The following JAM3 variants were observed in gnomAD, a reference collection of about 807,000 sequenced individuals.
The protein encoded by JAM3 is junctional adhesion molecule C.
Under a neutral mutation model 39.4 loss-of-function variants are expected in JAM3, and 31 were observed. The observed-to-expected ratio is 0.79, with a 90% CI of 0.59 to 1.06. The LOEUF is 1.06. Among genes scored for constraint, JAM3 ranks in the 50% least tolerant of loss-of-function variants. The probability of loss-of-function intolerance (pLI) is 0.00; values close to 1 mark genes in which losing one functional copy is unlikely to be tolerated. For synonymous variants in JAM3, 182 were observed against 148.7 expected, an observed-to-expected ratio of 1.22 and a Z score of -1.63; for missense variants, 455 against 391.4, an observed-to-expected ratio of 1.16 and a Z score of -1.37.
At chr11:134,116,548 G>T (rs1245765360) in intron 1 of JAM3, among the ~76,000 whole-genome samples, 13 of 152,090 alleles carry the variant, frequency 8.5e-5, no homozygotes, top group African/African-American at 3.1e-4. Flanking sequence ...GGGATTTTTT[G>T]TCGTTGTTTG....
chr11:134,095,030 G>T, intron 1 of JAM3, among the ~76,000 whole-genome samples: 1 of 152,244 alleles, frequency 6.6e-6, no homozygotes, highest in South Asian at 2.1e-4. Context: ...TGTAGTGAAT[G>T]AAAGTGTAAT....
chr11:134,105,658 A>G (rs1006219806), intron 1 of JAM3, among the ~76,000 whole-genome samples: 10 of 152,260 alleles, frequency 6.6e-5, no homozygotes, highest in Admixed American at 2.6e-4. Flanking sequence ...GCAAAATCTC[A>G]GGATACAAAA....
At chr11:134,072,892 A>G (rs1164916236) in intron 1 of JAM3, among the ~76,000 whole-genome samples, 2 of 152,148 alleles carry the variant, frequency 1.3e-5, no homozygotes, top group African/African-American at 4.8e-5. Context: ...CCTGGGGTAC[A>G]AGAGTGAAAC....
chr11:134,121,357 G>A (rs1942528970), intron 1 of JAM3, among the ~76,000 whole-genome samples: 1 of 152,180 alleles, frequency 6.6e-6, no homozygotes, highest in Admixed American at 6.5e-5. Context: ...ACAGAACACA[G>A]TAGTTCCAGA....
chr11:134,069,300 GGC>G, intron 1 of JAM3, 141 bp downstream of exon 1: 1 of 1,178,606 alleles, frequency 8.5e-7, no homozygotes, highest in Admixed American at 2.3e-5. Flanking sequence ...CCGGAGGGGC[GGC>G]GCGCGCCCGC....
rs530874466 is a variant in JAM3 at position 134,085,416 on chromosome 11, G to A, written c.76+16257G>A. On this transcript the variant is annotated intron_variant, in intron 1 of 8. Transcript: ENST00000299106. ...TGAGGTGATCAAAGATCCTAAATATGTAGCAAAGATTATAGAGACTAAGGA... is the reference window on the plus strand; with the variant it reads ...TGAGGTGATCAAAGATCCTAAATATATAGCAAAGATTATAGAGACTAAGGA... Among the ~76,000 whole-genome samples, 12 of 152,330 alleles carry A rather than the reference G, an allele frequency of 7.9e-5. No homozygotes were observed. The South Asian group carries it at 2.3e-3, about 29-fold the overall frequency.
At chr11:134,143,385 T>C (rs951750685) in intron 3 of JAM3, among the ~76,000 whole-genome samples, 3 of 152,326 alleles carry the variant, frequency 2.0e-5, no homozygotes, top group South Asian at 2.1e-4. Flanking sequence ...TCTGTTCAAA[T>C]TTTATGTCCA....
At chr11:134,104,330 C>A (rs1461289103) in intron 1 of JAM3, among the ~76,000 whole-genome samples, 1 of 152,106 alleles carries the variant, frequency 6.6e-6, no homozygotes, top group Non-Finnish European at 1.5e-5. Context: ...ACACAACATA[C>A]CAGAATCTCT....
intron 1 of JAM3, among the ~76,000 whole-genome samples, chr11:134,107,768 C>G (rs940191665): frequency 6.6e-6 from 1 of 151,912 alleles, no homozygotes; most frequent in African/African-American, 2.4e-5. Flanking sequence ...GACATCGGGG[C>G]AGGAGAATTG....
rs78780790 is a variant in JAM3 at position 134,123,902 on chromosome 11, C to G, written c.77-15949C>G. 5.1e-3 allele frequency: 5,231 copies of G among 1,019,390 alleles called. 251 individuals are homozygous for G. The East Asian group carries it at 0.1, about 19-fold the overall frequency. 63.1% of individuals were successfully genotyped at this position (1,019,390 alleles called of 1,614,324 possible). ...GTCAGTATTTCTCCAAGTAAAGCAG[C>G]TGTTTGGAATTGAAGGCCCCCCTTC... On this transcript the variant is annotated intron_variant, in intron 1 of 8. Transcript: ENST00000299106.
intron 1 of JAM3, among the ~76,000 whole-genome samples, chr11:134,088,229 G>GT (rs1941776419): frequency 1.3e-5 from 2 of 152,100 alleles, no homozygotes; most frequent in Non-Finnish European, 2.9e-5. Flanking sequence ...AGTGGCATAT[G>GT]TTTAAAATTT....
At chr11:134,117,389 AAAAC>A (rs906857968) in intron 1 of JAM3, among the ~76,000 whole-genome samples, 4 of 150,924 alleles carry the variant, frequency 2.7e-5, no homozygotes, top group Non-Finnish European at 1.5e-5. Context: ...CAAAAAAAGA[AAAAC>A]AATCCAAATT....
intron 1 of JAM3, among the ~76,000 whole-genome samples, chr11:134,107,928 C>T (rs1239429423): frequency 6.6e-6 from 1 of 151,466 alleles, no homozygotes; most frequent in African/African-American, 2.4e-5. Flanking sequence ...TCAAAGTAAG[C>T]AGAATAAAGA....
intron 1 of JAM3, among the ~76,000 whole-genome samples, chr11:134,124,990 G>A (rs550026127): frequency 6.6e-6 from 1 of 151,706 alleles, no homozygotes; most frequent in Non-Finnish European, 1.5e-5. Context: ...CAGCGGCGAC[G>A]ACACCCCCCA....
intron 3 of JAM3, among the ~76,000 whole-genome samples, chr11:134,142,442 T>C (rs568298321): frequency 2.6e-4 from 40 of 152,324 alleles, no homozygotes; most frequent in African/African-American, 9.6e-4. Flanking sequence ...CATCTTTTAG[T>C]GTGCTGTTTT....
intron 1 of JAM3, among the ~76,000 whole-genome samples, chr11:134,111,372 G>C (rs1942306819): frequency 6.6e-6 from 1 of 151,812 alleles, no homozygotes; most frequent in African/African-American, 2.4e-5. Context: ...TCAATCTCCT[G>C]ACCTCGTGTT....
intron 6 of JAM3, 24 bp from the exon 7 acceptor site, chr11:134,148,523 T>A: frequency 6.2e-7 from 1 of 1,614,138 alleles, no homozygotes; most frequent in South Asian, 1.1e-5. Context: ...TATCATGGCT[T>A]CCACCAAACC....
chr11:134,151,872 A>G lies in JAM3; in HGVS notation c.*2691A>G, dbSNP rs1943248329. Reference sequence around the variant, plus strand: ...CAATCACCCATCCACCAGGGAAGTCAGTGCTGGGCAGGAGGTCAGCCTGTG... The same window carrying G: ...CAATCACCCATCCACCAGGGAAGTCGGTGCTGGGCAGGAGGTCAGCCTGTG... On this transcript the variant is annotated 3_prime_UTR_variant, in exon 9 of 9. Transcript: ENST00000299106. 6.6e-6 allele frequency: 1 copy of G among 152,246 alleles called. No homozygotes were observed. The highest frequency in any genetic ancestry group is 2.1e-4 in the South Asian group (1 of 4,828). 9.4% of individuals were successfully genotyped at this position (152,246 alleles called of 1,614,324 possible).
intron 1 of JAM3, among the ~76,000 whole-genome samples, chr11:134,078,662 T>A (rs1941613068): frequency 6.6e-6 from 1 of 152,230 alleles, no homozygotes; most frequent in Non-Finnish European, 1.5e-5. Flanking sequence ...TTCACCTGTT[T>A]CCCCTCTCTT....
Sources: gnomAD v4.1 joint callset for allele counts (sites outside exome capture counted in the v4.1 genomes callset) on GRCh38, gnomAD v4.1.1 for gene constraint, MANE v1.5 for transcripts, NCBI Gene and HGNC (gene_info 2026-07-23, HGNC 2026-07-21) for gene names.